Variants in RNGTT observed in about 807,000 individuals in gnomAD.
The protein encoded by RNGTT is RNA guanylyltransferase and 5'-phosphatase.
In RNGTT, 33 loss-of-function variants were observed where a neutral mutation model predicts 79.3. The ratio of observed to expected loss-of-function variants is 0.42; its 90% CI spans 0.32 to 0.56. RNGTT has a LOEUF of 0.56. Among genes scored for constraint, RNGTT ranks in the 20% least tolerant of loss-of-function variants. The pLI is 0.17. For missense variants in RNGTT, 497 were observed against 739.1 expected, an observed-to-expected ratio of 0.67 and a Z score of 3.80; for synonymous variants, 222 against 235.9, an observed-to-expected ratio of 0.94 and a Z score of 0.54.
At chr6:88,629,447 C>A (rs148212061) in intron 14 of RNGTT, among the ~76,000 whole-genome samples, 19 of 152,174 alleles carry the variant, frequency 1.2e-4, no homozygotes, top group African/African-American at 4.1e-4. Context: ...TTTGGGAGAT[C>A]AGAATTTTCA....
intron 13 of RNGTT, among the ~76,000 whole-genome samples, chr6:88,684,241 G>A (rs549233931): frequency 5.2e-4 from 79 of 152,268 alleles, no homozygotes; most frequent in African/African-American, 1.8e-3. Flanking sequence ...ACCAATGCCG[G>A]CAAGGATGTG....
At chr6:88,677,285 G>GAA (rs35139705) in intron 14 of RNGTT, among the ~76,000 whole-genome samples, 42 of 109,190 alleles carry the variant, frequency 3.8e-4, no homozygotes, top group African/African-American at 7.5e-4. Context: ...TGGAGACCAG[G>GAA]AAAAAAAAAA....
At chr6:88,853,390 A>G (rs1172416227) in intron 9 of RNGTT, among the ~76,000 whole-genome samples, 1 of 152,112 alleles carries the variant, frequency 6.6e-6, no homozygotes, top group Non-Finnish European at 1.5e-5. Flanking sequence ...CTGTAATCCC[A>G]GCTACTGGGG....
At chr6:88,641,308 T>C (rs1028332844) in intron 14 of RNGTT, among the ~76,000 whole-genome samples, 14 of 149,440 alleles carry the variant, frequency 9.4e-5, no homozygotes, top group African/African-American at 2.7e-4. Context: ...CACTGCACTC[T>C]AGCTTGGGCA....
At chr6:88,726,389 C>CAAAAAAAAAAAAAAAAAAAAAAAAAAAAA (rs61210098) in intron 13 of RNGTT, among the ~76,000 whole-genome samples, 1 of 99,540 alleles carries the variant, frequency 1.0e-5, no homozygotes, top group Non-Finnish European at 1.9e-5. Context: ...ATCCTAAGTC[C>CAAAAAAAAAAAAAAAAAAAAAAAAAAAAA]AAAAAAAAAA....
chr6:88,800,421 G>T (rs1779747049), intron 12 of RNGTT, among the ~76,000 whole-genome samples: 2 of 152,082 alleles, frequency 1.3e-5, no homozygotes, highest in African/African-American at 2.4e-5. Flanking sequence ...TTAATACACT[G>T]TGTTCAAATT....
chr6:88,849,243 G>T (rs1218417754), intron 10 of RNGTT, among the ~76,000 whole-genome samples: 1 of 151,984 alleles, frequency 6.6e-6, no homozygotes, highest in Non-Finnish European at 1.5e-5. Context: ...TAAATTTGAA[G>T]TTCTTTGTTT....
intron 13 of RNGTT, among the ~76,000 whole-genome samples, chr6:88,743,921 GCAA>G (rs1016959521): frequency 1.4e-4 from 21 of 152,222 alleles, no homozygotes; most frequent in Non-Finnish European, 2.5e-4. Flanking sequence ...AATGAAGATA[GCAA>G]CAACATCTAC....
At chr6:88,668,921 T>C (rs967931785) in intron 14 of RNGTT, among the ~76,000 whole-genome samples, 27 of 152,298 alleles carry the variant, frequency 1.8e-4, no homozygotes, top group Admixed American at 1.8e-3. Context: ...GAATTAGGAC[T>C]ATATGGTATT....
chr6:88,640,260 A>G (rs1773256997), intron 14 of RNGTT, among the ~76,000 whole-genome samples: 1 of 151,932 alleles, frequency 6.6e-6, no homozygotes, highest in African/African-American at 2.4e-5. Flanking sequence ...TCATTTATCG[A>G]GCAATAAAGG....
At chr6:88,770,945 A>C (rs1778635894) in intron 12 of RNGTT, among the ~76,000 whole-genome samples, 2 of 152,072 alleles carry the variant, frequency 1.3e-5, no homozygotes, top group African/African-American at 4.8e-5. Flanking sequence ...TCTTGTTTGC[A>C]CTGAGCTGTT....
At chr6:88,935,599 C>T (rs941606038) in intron 2 of RNGTT, among the ~76,000 whole-genome samples, 3 of 151,966 alleles carry the variant, frequency 2.0e-5, no homozygotes, top group African/African-American at 7.3e-5. Flanking sequence ...TTTTCTATTT[C>T]TATAAAAAAT....
chr6:88,666,733 C>G (rs1554202977), intron 14 of RNGTT, among the ~76,000 whole-genome samples: 1 of 152,184 alleles, frequency 6.6e-6, no homozygotes, highest in Non-Finnish European at 1.5e-5. Flanking sequence ...CATTAACCCA[C>G]AGAGAGAGAT....
chr6:88,766,826 T>A (rs1281213827), intron 13 of RNGTT, among the ~76,000 whole-genome samples: 1 of 152,126 alleles, frequency 6.6e-6, no homozygotes, highest in Non-Finnish European at 1.5e-5. Flanking sequence ...TTTGTAGAAA[T>A]ATTTGGAAGT....
chr6:88,715,403 T>C (rs374931107), intron 13 of RNGTT, among the ~76,000 whole-genome samples: 18 of 152,138 alleles, frequency 1.2e-4, no homozygotes, highest in South Asian at 8.3e-4. Context: ...AGGTAATTTA[T>C]AGATTCAATG....
intron 1 of RNGTT, among the ~76,000 whole-genome samples, chr6:88,953,710 G>C (rs1327409667): frequency 6.6e-6 from 1 of 152,166 alleles, no homozygotes; most frequent in Non-Finnish European, 1.5e-5. Context: ...AGAAACTTAA[G>C]AGCTGTGACA....
intron 6 of RNGTT, among the ~76,000 whole-genome samples, chr6:88,899,147 A>G (rs753316897): frequency 2.6e-5 from 4 of 151,912 alleles, no homozygotes; most frequent in African/African-American, 4.8e-5. Flanking sequence ...AGGTTTTAGA[A>G]CTTTTTTTTT....
chr6:88,954,123 CT>C (rs1785347241), intron 1 of RNGTT, among the ~76,000 whole-genome samples: 1 of 152,056 alleles, frequency 6.6e-6, no homozygotes, highest in Admixed American at 6.5e-5. Context: ...AGAACAGTAC[CT>C]TATCTCAATA....
chr6:88,915,619 G>A (rs1450407782), intron 4 of RNGTT, among the ~76,000 whole-genome samples: 2 of 152,168 alleles, frequency 1.3e-5, no homozygotes, highest in Non-Finnish European at 2.9e-5. Flanking sequence ...CCAATAGGAG[G>A]AAGAGAGGAA....
Sources: gnomAD v4.1 joint callset for allele counts (sites outside exome capture counted in the v4.1 genomes callset) on GRCh38, gnomAD v4.1.1 for gene constraint, MANE v1.5 for transcripts, NCBI Gene and HGNC (gene_info 2026-07-23, HGNC 2026-07-21) for gene names.